DNAH8: variants seen among roughly 807,000 people sequenced by gnomAD.
DNAH8 encodes the protein dynein axonemal heavy chain 8, also known as axonemal beta dynein heavy chain 8.
In DNAH8, 382 loss-of-function variants were observed where a neutral mutation model predicts 562.1. The observed-to-expected ratio is 0.68, with a 90% CI of 0.63 to 0.74. The LOEUF (loss-of-function observed/expected upper bound fraction) is 0.74. DNAH8 is among the 30% of genes least tolerant of loss of function. The probability of loss-of-function intolerance (pLI) is 0.00; values close to 1 mark genes in which losing one functional copy is unlikely to be tolerated. For missense variants in DNAH8, 5,203 were observed against 5,620.4 expected, an observed-to-expected ratio of 0.93 and a Z score of 2.37; for synonymous variants, 1,881 against 1,919.4, an observed-to-expected ratio of 0.98 and a Z score of 0.52.
chr6:38,893,419 G>A (rs1244547352), intron 58 of DNAH8, among the ~76,000 whole-genome samples: 1 of 151,940 alleles, frequency 6.6e-6, no homozygotes, highest in Admixed American at 6.6e-5. Context: ...AGAAGAAGAA[G>A]GAAAGAAAGG....
rs1273396482 is a variant in DNAH8, at chr6:38,793,601, A to G, written c.2901+1927A>G. Reference sequence around the variant, plus strand: ...AATCTATTCTGAAAGTCTGTTTTTAAAAAACTGGTAATTTTGACCTATTTA... The same window carrying G: ...AATCTATTCTGAAAGTCTGTTTTTAGAAAACTGGTAATTTTGACCTATTTA... On this transcript the variant is annotated intron_variant, in intron 21 of 92. Coordinates refer to ENST00000327475, the MANE Select transcript of DNAH8 (RefSeq NM_001206927.2). 2.0e-5 allele frequency among the ~76,000 whole-genome samples: 3 copies of G among 152,086 alleles called. No individual in the cohort carries two copies. The East Asian group carries it at 5.8e-4, about 29-fold the overall frequency.
chr6:38,957,708 A>G (rs1408709375), intron 82 of DNAH8, among the ~76,000 whole-genome samples: 6 of 152,116 alleles, frequency 3.9e-5, no homozygotes, highest in Admixed American at 6.5e-5. Context: ...CAAGGAAAGT[A>G]AACAATATGT....
In DNAH8 at chr6:38,822,981, G is replaced by C; in HGVS notation, c.3667G>C (p.Asp1223His). The change falls in exon 27 of 93, where the codon GAC (aspartate) becomes CAC (histidine). Residue 1223 changes from aspartate to histidine, a missense_variant. Physicochemically the swap from Asp to His is moderately conservative, Grantham distance 81. Around this residue, in one of 6 missense-constraint regions of DNAH8, gnomAD observed 2,176 missense variants for 2,365.1 expected, o/e 0.92. Coordinates refer to ENST00000327475, the MANE Select transcript of DNAH8 (RefSeq NM_001206927.2). ...AAAGGCAGCTCATGAGGCCCTGCAG[G>C]ACTTTCAGAAGTACAAGACTCTCTG... ...LRKAAHEALQ[D>H]FQKYKTLWTE... 2 of 1,611,686 alleles carry C rather than the reference G, an allele frequency of 1.2e-6. No homozygotes were observed. The highest frequency in any genetic ancestry group is 2.7e-5 in the African/African-American group (2 of 74,862).
At chr6:38,798,876 C>T (rs1461949851) in intron 21 of DNAH8, among the ~76,000 whole-genome samples, 1 of 152,060 alleles carries the variant, frequency 6.6e-6, no homozygotes, top group Non-Finnish European at 1.5e-5. Flanking sequence ...GCTGAAGGGA[C>T]CAGGGAAGAA....
Position 38,805,612 on chromosome 6 carries a change from C to G in DNAH8, c.3150+16C>G. 1 of 1,338,892 alleles carries G rather than the reference C, an allele frequency of 7.5e-7. No homozygotes were observed. Among genetic ancestry groups the G allele is most frequent in the Non-Finnish European group, 1.1e-6 (1 of 933,818 alleles). The allele number at this position is 1,338,892 out of a possible 1,614,324, so 82.9% of individuals were successfully genotyped here. On this transcript the variant is annotated intron_variant, in intron 23 of 92. Transcript: ENST00000327475. ...ATTTAAAAAGGTATTTATTGTGGAA[C>G]AACTTCATGCAATTCACAGAATTAT...
chr6:38,719,097 A>G (rs1239648594), intron 1 of DNAH8, among the ~76,000 whole-genome samples: 1 of 152,180 alleles, frequency 6.6e-6, no homozygotes, highest in Non-Finnish European at 1.5e-5. Context: ...TGATTGATTC[A>G]TATAGGTTAC....
At chr6:38,796,402 G>A (rs146419504) in intron 21 of DNAH8, among the ~76,000 whole-genome samples, 7 of 152,158 alleles carry the variant, frequency 4.6e-5, no homozygotes, top group East Asian at 3.9e-4. Context: ...TCTGTGTGCC[G>A]TCAGTGTCCC....
intron 26 of DNAH8, among the ~76,000 whole-genome samples, chr6:38,818,537 C>CAAAAGCAAAAAAAA (rs1772497815): frequency 2.6e-5 from 2 of 75,886 alleles, no homozygotes; most frequent in African/African-American, 1.2e-4. Context: ...AAAGCAAAAG[C>CAAAAGCAAAAAAAA]AAAAAAAAAA....
At chr6:39,011,590 C>T (rs1766212847) in intron 89 of DNAH8, among the ~76,000 whole-genome samples, 1 of 152,190 alleles carries the variant, frequency 6.6e-6, no homozygotes, top group Non-Finnish European at 1.5e-5. Flanking sequence ...CAACCAGAGG[C>T]TTTTGTATTG....
intron 53 of DNAH8, among the ~76,000 whole-genome samples, chr6:38,881,024 T>C (rs1242699753): frequency 6.6e-6 from 1 of 152,028 alleles, no homozygotes; most frequent in African/African-American, 2.4e-5. Flanking sequence ...CAGACCTTGC[T>C]TCAAAAAAAA....
At position 38,729,999 on chromosome 6, in the gene DNAH8, T is replaced by C. The variant is rs2127573671; in HGVS notation, c.610+13T>C. On this transcript the variant is annotated intron_variant, in intron 4 of 92. Transcript: ENST00000327475. ...GTACCTGGTATTGGTAAGAATTTTC[T>C]GAGGGCAGTGTGCCAGTAATTAGTT... The C allele has an allele frequency of 3.7e-6, 5 of 1,351,504 alleles. No homozygotes were observed. In the East Asian group the frequency reaches 1.1e-4, roughly 31 times the overall value. The allele number at this position is 1,351,504 out of a possible 1,614,324, so 83.7% of individuals were successfully genotyped here.
intron 21 of DNAH8, among the ~76,000 whole-genome samples, chr6:38,794,335 A>G (rs922789518): frequency 6.6e-6 from 1 of 151,974 alleles, no homozygotes; most frequent in African/African-American, 2.4e-5. Context: ...TGGTTATGAA[A>G]AAACAAAGCC....
In DNAH8 at chr6:38,951,961, A is replaced by G. The variant is rs75036943; in HGVS notation, c.12451+441A>G. ...ATTTCATTGCTTTCACTTAATAACC[A>G]TTCAGTACAGGCAGTGTGCTAGATC... On this transcript the variant is annotated intron_variant, in intron 82 of 92. Coordinates refer to ENST00000327475, the MANE Select transcript of DNAH8 (RefSeq NM_001206927.2). Among the ~76,000 whole-genome samples the G allele has an allele frequency of 6.2e-3, 945 of 152,322 alleles. 5 individuals carry two copies. The highest frequency in any genetic ancestry group is 0.01 in the Non-Finnish European group (685 of 68,034).
intron 68 of DNAH8, 117 bp downstream of exon 68, chr6:38,915,494 GA>G: frequency 1.1e-6 from 1 of 893,752 alleles, no homozygotes. Flanking sequence ...GATAATCTCT[GA>G]GTCTGGAAAC....
Position 38,755,979 on chromosome 6 carries a change from T to C in DNAH8, c.1415T>C (p.Met472Thr), listed in dbSNP as rs1264002797. The change falls in exon 10 of 93, where the codon ATG (methionine) becomes ACG (threonine). Residue 472 changes from methionine (M) to threonine (T), a missense_variant. This residue lies in a region of DNAH8 where 2,176 missense variants were observed against 2,365.1 expected (regional missense o/e 0.92). Transcript: ENST00000327475. Reference protein sequence around the residue: ...QPLYNHDLVSMAHGIQNLINA... With the variant: ...QPLYNHDLVSTAHGIQNLINA... Reference sequence around the variant, plus strand: ...AATTTGTTTCAATGTTAGGTTTCCATGGCACATGGAATACAAAATTTGATT... The same window carrying C: ...AATTTGTTTCAATGTTAGGTTTCCACGGCACATGGAATACAAAATTTGATT... 6 of 1,594,376 alleles carry C rather than the reference T, an allele frequency of 3.8e-6. No homozygotes were observed. The highest frequency in any genetic ancestry group is 1.7e-5 in the Admixed American group (1 of 59,774).
In DNAH8 at chr6:38,791,649, T is replaced by C; in HGVS notation, c.2876T>C (p.Val959Ala). The C allele has an allele frequency of 1.2e-6, 2 of 1,613,946 alleles. No homozygotes were observed. Among genetic ancestry groups the C allele is most frequent in the South Asian group, 1.1e-5 (1 of 91,042 alleles). The change falls in exon 21 of 93, where the codon GTA (valine) becomes GCA (alanine). Residue 959 changes from valine (V) to alanine (A), a missense_variant. Val to Ala is a moderately conservative substitution (Grantham distance 64). Around this residue, in one of 6 missense-constraint regions of DNAH8, gnomAD observed 2,176 missense variants for 2,365.1 expected, o/e 0.92. Coordinates refer to ENST00000327475, the MANE Select transcript of DNAH8 (RefSeq NM_001206927.2). ...ISLPESGATK[V>A]EDMLTLNETY... ...CTGCCTGAAAGTGGTGCTACCAAAG[T>C]AGAAGATATGTTGACCCTCAATGAG... is the stretch of plus-strand genomic sequence containing the variant.
chr6:39,015,552 T>C (rs569769573), intron 91 of DNAH8, among the ~76,000 whole-genome samples: 14 of 152,282 alleles, frequency 9.2e-5, no homozygotes, highest in African/African-American at 3.4e-4. Context: ...CTTCACTCTC[T>C]CTCTCCTGCC....
At chr6:38,985,515 C>T (rs1017002683) in intron 87 of DNAH8, among the ~76,000 whole-genome samples, 6 of 152,234 alleles carry the variant, frequency 3.9e-5, no homozygotes, top group South Asian at 2.1e-4. Context: ...CTTGAAGCTA[C>T]ATATGGAGAA....
chr6:38,862,302 G>A lies in DNAH8; in HGVS notation c.6154G>A (p.Ala2052Thr). 1 of 1,613,934 alleles carries A rather than the reference G, an allele frequency of 6.2e-7. No individual in the cohort carries two copies. The highest frequency in any genetic ancestry group is 2.2e-5 in the East Asian group (1 of 44,876). ...TDRCYITLAQ[A>T]LGMNMGGAPA... The stretch of plus-strand genomic sequence containing the variant: ...CAGATGCTATATCACGTTAGCTCAG[G>A]CCTTGGGCATGAACATGGGAGGTGC... Residue 2052 changes from alanine (A) to threonine (T), a missense_variant, in exon 44 of 93, where the codon GCC becomes ACC. Ala to Thr is a moderately conservative substitution (Grantham distance 58, BLOSUM62 0). Transcript: ENST00000327475.
Sources: gnomAD v4.1 joint callset for allele counts (sites outside exome capture counted in the v4.1 genomes callset) on GRCh38, gnomAD v4.1.1 for gene constraint, gnomAD v4.1.1 regional missense constraint, MANE v1.5 for transcripts, NCBI Gene and HGNC (gene_info 2026-07-23, HGNC 2026-07-21) for gene names.